GREM2: variants seen among roughly 807,000 people sequenced by gnomAD.
GREM2 encodes the protein gremlin 2, DAN family BMP antagonist.
GREM2 carries 11 observed loss-of-function variants against 14.2 expected under a neutral mutation model. That is an observed-to-expected ratio of 0.78 (90% CI 0.49 to 1.28). GREM2 has a LOEUF of 1.28. Ranked by LOEUF, GREM2 falls within the 50% of genes most tolerant of loss-of-function variation. The pLI is 0.00. For missense variants in GREM2, 210 were observed against 218.5 expected, an observed-to-expected ratio of 0.96 and a Z score of 0.24; for synonymous variants, 98 against 97.6, an observed-to-expected ratio of 1.00 and a Z score of -0.02.
At chr1:240,598,207 A>G (rs1230526722) in intron 1 of GREM2, among the ~76,000 whole-genome samples, 1 of 152,228 alleles carries the variant, frequency 6.6e-6, no homozygotes, top group African/African-American at 2.4e-5. Context: ...CTTGGTAATT[A>G]TGAAAGCACA....
At chr1:240,588,324 T>C (rs1280675727) in intron 1 of GREM2, among the ~76,000 whole-genome samples, 13 of 152,218 alleles carry the variant, frequency 8.5e-5, no homozygotes, top group Admixed American at 8.5e-4. Flanking sequence ...CACTTCTCAC[T>C]ACATTGCTTG....
Position 240,493,062 on chromosome 1 carries a change from G to A in GREM2, c.414C>T (p.Pro138=), listed in dbSNP as rs1464539244. Reference sequence around the variant, plus strand: ...TGAGTCGGAAGGGTGGGTCCAGGCCGGGGCACTCGAGCTCCACGAGGACGG... The same window carrying A: ...TGAGTCGGAAGGGTGGGTCCAGGCCAGGGCACTCGAGCTCCACGAGGACGG... ...VTSVLVELEC[P]GLDPPFRLKK... Residue 138 remains proline, a synonymous_variant, in exon 2 of 2, where the codon CCC becomes CCT. Coordinates refer to ENST00000318160, the MANE Select transcript of GREM2 (RefSeq NM_022469.4). 5 of 1,612,404 alleles carry A rather than the reference G, an allele frequency of 3.1e-6. No homozygotes were observed. In the South Asian group the frequency reaches 4.4e-5, roughly 14 times the overall value.
chr1:240,536,449 A>G (rs77388984), intron 1 of GREM2, among the ~76,000 whole-genome samples: 21 of 152,362 alleles, frequency 1.4e-4, no homozygotes, highest in Middle Eastern at 6.8e-3. Flanking sequence ...GTAAATTGGT[A>G]TGAAGAGGGA....
At chr1:240,549,370 A>C (rs1678800648) in intron 1 of GREM2, among the ~76,000 whole-genome samples, 1 of 151,940 alleles carries the variant, frequency 6.6e-6, no homozygotes, top group African/African-American at 2.4e-5. Context: ...GAAAGCAAAA[A>C]GTGTGCAGAT....
intron 1 of GREM2, among the ~76,000 whole-genome samples, chr1:240,535,448 A>T (rs983489834): frequency 5.3e-5 from 8 of 152,306 alleles, no homozygotes; most frequent in South Asian, 2.1e-4. Flanking sequence ...GTGAAAAAAA[A>T]TTTTAAAAAG....
chr1:240,582,533 C>T (rs955753118), intron 1 of GREM2, among the ~76,000 whole-genome samples: 12 of 152,098 alleles, frequency 7.9e-5, no homozygotes, highest in African/African-American at 4.8e-5. Context: ...TGGTGGCTCA[C>T]GCCTATAATC....
intron 1 of GREM2, among the ~76,000 whole-genome samples, chr1:240,583,932 ACTT>A (rs1384283354): frequency 1.3e-5 from 2 of 151,868 alleles, no homozygotes; most frequent in Non-Finnish European, 2.9e-5. Context: ...TGTTTTATCT[ACTT>A]CTGAAATTAG....
In GREM2 at chr1:240,492,052, A is replaced by C; in HGVS notation, c.*917T>G. The C allele has an allele frequency of 5.3e-6, 1 of 189,654 alleles. No homozygotes were observed. Among genetic ancestry groups the C allele is most frequent in the Non-Finnish European group, 1.2e-5 (1 of 85,752 alleles). 11.7% of individuals were successfully genotyped at this position (189,654 alleles called of 1,614,324 possible). On this transcript the variant is annotated 3_prime_UTR_variant, in exon 2 of 2. Coordinates refer to ENST00000318160, the MANE Select transcript of GREM2 (RefSeq NM_022469.4). ...TAAGACACCTTCTGGGCCTGCTGTC[A>C]TCCTTACTCCGAATGGTGCTGCAAG... is the stretch of plus-strand genomic sequence containing the variant.
chr1:240,521,396 G>A (rs906477569), intron 1 of GREM2, among the ~76,000 whole-genome samples: 6 of 151,726 alleles, frequency 4.0e-5, no homozygotes, highest in African/African-American at 7.3e-5. Flanking sequence ...GTGAAACCCC[G>A]TCTCTACTAA....
At chr1:240,568,121 T>C (rs1679200308) in intron 1 of GREM2, among the ~76,000 whole-genome samples, 1 of 151,842 alleles carries the variant, frequency 6.6e-6, no homozygotes, top group Non-Finnish European at 1.5e-5. Context: ...AAAATAAAAA[T>C]AAAAATAACG....
At chr1:240,529,648 T>A (rs1678309859) in intron 1 of GREM2, among the ~76,000 whole-genome samples, 1 of 152,150 alleles carries the variant, frequency 6.6e-6, no homozygotes, top group African/African-American at 2.4e-5. Context: ...ATTCCAAGAT[T>A]ATCAGAAAGT....
At chr1:240,607,996 T>C (rs1031256111) in intron 1 of GREM2, among the ~76,000 whole-genome samples, 2 of 152,226 alleles carry the variant, frequency 1.3e-5, no homozygotes, top group Non-Finnish European at 2.9e-5. Flanking sequence ...AAAGCAACCA[T>C]ACTGTTGATG....
intron 1 of GREM2, among the ~76,000 whole-genome samples, chr1:240,499,749 C>T (rs1677522617): frequency 6.6e-6 from 1 of 152,198 alleles, no homozygotes; most frequent in Non-Finnish European, 1.5e-5. Context: ...AACTATGGCC[C>T]ACAGGCCAAA....
At chr1:240,548,135 C>T (rs1678776521) in intron 1 of GREM2, among the ~76,000 whole-genome samples, 1 of 150,866 alleles carries the variant, frequency 6.6e-6, no homozygotes, top group East Asian at 1.9e-4. Context: ...ATTAGCCAGG[C>T]GTGGTGGTAT....
At chr1:240,591,804 T>C (rs1679721300) in intron 1 of GREM2, among the ~76,000 whole-genome samples, 1 of 152,208 alleles carries the variant, frequency 6.6e-6, no homozygotes, top group Non-Finnish European at 1.5e-5. Flanking sequence ...GCAGCTGAGT[T>C]AGTAGGCCCA....
intron 1 of GREM2, among the ~76,000 whole-genome samples, chr1:240,499,675 C>A (rs998575550): frequency 6.6e-6 from 1 of 152,202 alleles, no homozygotes; most frequent in Non-Finnish European, 1.5e-5. Context: ...CAGGGATCAT[C>A]CTCGCAGCCA....
chr1:240,504,430 A>G (rs1490609953), intron 1 of GREM2, among the ~76,000 whole-genome samples: 1 of 152,220 alleles, frequency 6.6e-6, no homozygotes, highest in Non-Finnish European at 1.5e-5. Flanking sequence ...AGGGGAATCA[A>G]TATACAAATC....
chr1:240,494,425 G>A (rs908232417), intron 1 of GREM2, among the ~76,000 whole-genome samples: 2 of 152,220 alleles, frequency 1.3e-5, no homozygotes, highest in African/African-American at 4.8e-5. Context: ...TAAGTACAAA[G>A]TAGAGAGAAG....
chr1:240,581,736 A>G (rs2103377783), intron 1 of GREM2, among the ~76,000 whole-genome samples: 2 of 152,346 alleles, frequency 1.3e-5, no homozygotes, highest in African/African-American at 4.8e-5. Flanking sequence ...GTCAATTTAT[A>G]TATTTAAACA....
Sources: gnomAD v4.1 joint callset for allele counts (sites outside exome capture counted in the v4.1 genomes callset) on GRCh38, gnomAD v4.1.1 for gene constraint, MANE v1.5 for transcripts, NCBI Gene and HGNC (gene_info 2026-07-23, HGNC 2026-07-21) for gene names.